The following MPRIP variants were observed in gnomAD, a reference collection of about 807,000 sequenced individuals.
The protein encoded by MPRIP is myosin phosphatase Rho interacting protein, also known as myosin phosphatase Rho-interacting protein.
In MPRIP, 59 loss-of-function variants were observed where a neutral mutation model predicts 234.9. The observed-to-expected ratio is 0.25, with a 90% CI of 0.20 to 0.31. The LOEUF (loss-of-function observed/expected upper bound fraction) is 0.31. Ranked by LOEUF, MPRIP falls within the 10% of genes least tolerant of loss-of-function variation. The pLI is 1.00. For missense variants in MPRIP, 2,436 were observed against 3,071.0 expected, an observed-to-expected ratio of 0.79 and a Z score of 4.89; for synonymous variants, 1,144 against 1,263.9, an observed-to-expected ratio of 0.91 and a Z score of 2.01.
chr17:17,145,168 T>C (rs117717901), intron 9 of MPRIP, among the ~76,000 whole-genome samples: 3,454 of 152,308 alleles, frequency 0.023, 104 homozygotes, highest in Middle Eastern at 0.085. Context: ...TGTGGTTCCT[T>C]CCTCACTCCT....
At chr17:17,110,741 G>T (rs2090152759) in intron 3 of MPRIP, among the ~76,000 whole-genome samples, 1 of 152,182 alleles carries the variant, frequency 6.6e-6, no homozygotes, top group Non-Finnish European at 1.5e-5. Context: ...TGAGAACAAC[G>T]TCAGACAAAC....
chr17:17,049,707 A>G (rs1383439450), intron 1 of MPRIP, among the ~76,000 whole-genome samples: 1 of 152,154 alleles, frequency 6.6e-6, no homozygotes, highest in African/African-American at 2.4e-5. Flanking sequence ...AAAATCGAGG[A>G]GGTTGTGTAG....
At position 17,190,098 on chromosome 17, in the gene MPRIP, C is replaced by T. The variant is rs1321842176; in HGVS notation, c.*5204C>T. Reference sequence around the variant, plus strand: ...TCTCCAGTAGGTAATAGCAGCTGAACGTGGGTTTTCCACGGACTTCAGGCT... The same window carrying T: ...TCTCCAGTAGGTAATAGCAGCTGAATGTGGGTTTTCCACGGACTTCAGGCT... On this transcript the variant is annotated 3_prime_UTR_variant, in exon 24 of 24. Coordinates refer to ENST00000651222, the MANE Select transcript of MPRIP (RefSeq NM_001364716.4). The T allele has an allele frequency of 6.6e-6, 1 of 152,246 alleles. No homozygotes were observed. Among genetic ancestry groups the T allele is most frequent in the East Asian group, 1.9e-4 (1 of 5,196 alleles). The allele number at this position is 152,246 out of a possible 1,614,324, so 9.4% of individuals were successfully genotyped here.
At chr17:17,179,897 T>C (rs927852128) in intron 22 of MPRIP, 106 bp from the exon 23 acceptor site, 2 of 872,922 alleles carry the variant, frequency 2.3e-6, no homozygotes, top group African/African-American at 3.4e-5. Flanking sequence ...TTGTCCTAAG[T>C]ATGCTGCAGT....
At chr17:17,180,595 C>A in intron 23 of MPRIP, 1 of 1,612,594 alleles carries the variant, frequency 6.2e-7, no homozygotes. Flanking sequence ...TGTCTGCTCT[C>A]TCCTCTGACA....
At chr17:17,057,521 G>A in intron 1 of MPRIP, 1 of 697,146 alleles carries the variant, frequency 1.4e-6, no homozygotes, top group South Asian at 1.5e-5. Flanking sequence ...GCTGGCAGAG[G>A]GCCCACAGAG....
At chr17:17,112,779 G>T (rs897653308) in intron 3 of MPRIP, among the ~76,000 whole-genome samples, 6 of 152,224 alleles carry the variant, frequency 3.9e-5, no homozygotes, top group African/African-American at 1.4e-4. Flanking sequence ...AGCCGGTGGC[G>T]TTGAGGGGGA....
chr17:17,072,317 C>T (rs889275042), intron 1 of MPRIP, among the ~76,000 whole-genome samples: 1 of 152,148 alleles, frequency 6.6e-6, no homozygotes, highest in Non-Finnish European at 1.5e-5. Flanking sequence ...TCAGAGAGGG[C>T]ACCACCCACC....
chr17:17,145,479 C>A (rs1435581706), intron 9 of MPRIP, among the ~76,000 whole-genome samples: 2 of 152,162 alleles, frequency 1.3e-5, no homozygotes, highest in African/African-American at 4.8e-5. Flanking sequence ...CTGGGCGCTG[C>A]CCCCCTGTCT....
At chr17:17,056,460 G>A (rs544540141) in intron 1 of MPRIP, among the ~76,000 whole-genome samples, 1 of 152,306 alleles carries the variant, frequency 6.6e-6, no homozygotes, top group South Asian at 2.1e-4. Context: ...AGGGGCAGGG[G>A]CCGGGGCTGG....
chr17:17,176,027 C>T (rs768169655), intron 20 of MPRIP, among the ~76,000 whole-genome samples: 2 of 152,136 alleles, frequency 1.3e-5, no homozygotes, highest in South Asian at 2.1e-4. Context: ...GGTGTTGGGC[C>T]GCTGTCTGCT....
chr17:17,062,778 T>G (rs78063986), intron 1 of MPRIP, among the ~76,000 whole-genome samples: 5,058 of 152,302 alleles, frequency 0.033, 143 homozygotes, highest in East Asian at 0.12. Flanking sequence ...TGTTGGGTGT[T>G]GAGCTCTTCC....
intron 7 of MPRIP, among the ~76,000 whole-genome samples, chr17:17,140,613 C>T (rs1237112858): frequency 6.6e-6 from 1 of 152,134 alleles, no homozygotes; most frequent in African/African-American, 2.4e-5. Flanking sequence ...ATAGGTGTGC[C>T]CAGGAGCCAG....
In MPRIP at chr17:17,187,483, T is replaced by C. The variant is rs1296559690; in HGVS notation, c.*2589T>C. 1 of 152,196 alleles carries C rather than the reference T, an allele frequency of 6.6e-6. No individual in the cohort carries two copies. The highest frequency in any genetic ancestry group is 1.5e-5 in the Non-Finnish European group (1 of 68,052). The allele number at this position is 152,196 out of a possible 1,614,324, so 9.4% of individuals were successfully genotyped here. ...ACCATCTGGGTCAAGGAAGTCTGGG[T>C]TCCCTGCTGGTGGGCTCCATCCTGC... is the stretch of plus-strand genomic sequence containing the variant. On this transcript the variant is annotated 3_prime_UTR_variant, in exon 24 of 24. Coordinates refer to ENST00000651222, the MANE Select transcript of MPRIP (RefSeq NM_001364716.4).
rs936583596 is a variant in MPRIP, at chr17:17,187,043, G to C, written c.*2149G>C. 1 of 152,280 alleles carries C rather than the reference G, an allele frequency of 6.6e-6. No homozygotes were observed. The highest frequency in any genetic ancestry group is 1.5e-5 in the Non-Finnish European group (1 of 68,090). The allele number at this position is 152,280 out of a possible 1,614,324, so 9.4% of individuals were successfully genotyped here. ...CTTCGTGACCATCCCTGCTGCCCCT[G>C]GGGGTGGACCCCACTGGCCCTTCTG... On this transcript the variant is annotated 3_prime_UTR_variant, in exon 24 of 24. Coordinates refer to ENST00000651222, the MANE Select transcript of MPRIP (RefSeq NM_001364716.4).
At chr17:17,184,391 G>A (rs988579772) in intron 23 of MPRIP, among the ~76,000 whole-genome samples, 1 of 152,186 alleles carries the variant, frequency 6.6e-6, no homozygotes, top group African/African-American at 2.4e-5. Context: ...GGATTCCCTG[G>A]AGCATCTGGT....
chr17:17,131,909 T>C (rs2090604487), intron 5 of MPRIP, among the ~76,000 whole-genome samples: 1 of 152,188 alleles, frequency 6.6e-6, no homozygotes, highest in Non-Finnish European at 1.5e-5. Flanking sequence ...GGCCTGCTAG[T>C]GTGCTCTGGG....
chr17:17,046,498 G>A (rs1054995522), intron 1 of MPRIP, among the ~76,000 whole-genome samples: 3 of 152,104 alleles, frequency 2.0e-5, no homozygotes, highest in African/African-American at 7.2e-5. Context: ...TTCCAAAAAA[G>A]GCTGTGTGAT....
In MPRIP at chr17:17,176,455, A is replaced by C; in HGVS notation, c.6900A>C (p.Ile2300=). ...EVLLRVKESE[I]QYLKQEISSL... is the part of the protein sequence containing the mutation. Reference sequence around the variant, plus strand: ...TATTGCGGGTAAAGGAATCGGAAATACAGTACCTGAAACAGGAGATTAGCT... The same window carrying C: ...TATTGCGGGTAAAGGAATCGGAAATCCAGTACCTGAAACAGGAGATTAGCT... Residue 2300 remains isoleucine, a synonymous_variant, in exon 21 of 24, where the codon ATA becomes ATC. Coordinates refer to ENST00000651222, the MANE Select transcript of MPRIP (RefSeq NM_001364716.4). 1 of 1,614,090 alleles carries C rather than the reference A, an allele frequency of 6.2e-7. No homozygotes were observed. The highest frequency in any genetic ancestry group is 1.1e-5 in the South Asian group (1 of 91,080).
Sources: gnomAD v4.1 joint callset for allele counts (sites outside exome capture counted in the v4.1 genomes callset) on GRCh38, gnomAD v4.1.1 for gene constraint, MANE v1.5 for transcripts, NCBI Gene and HGNC (gene_info 2026-07-23, HGNC 2026-07-21) for gene names.